Variants in YIPF4 observed in about 807,000 individuals in gnomAD.
The protein encoded by YIPF4 is protein YIPF4.
YIPF4 carries 18 observed loss-of-function variants against 29.4 expected under a neutral mutation model. That is an observed-to-expected ratio of 0.61 (90% CI 0.42 to 0.91). YIPF4 has a LOEUF of 0.91. Ranked by LOEUF, YIPF4 falls within the 40% of genes least tolerant of loss-of-function variation. The pLI is 0.00. For synonymous variants in YIPF4, 115 were observed against 104.7 expected, an observed-to-expected ratio of 1.10 and a Z score of -0.60; for missense variants, 279 against 282.7, an observed-to-expected ratio of 0.99 and a Z score of 0.09.
In YIPF4 at chr2:32,314,596, C is replaced by T. The variant is rs1573550462; in HGVS notation, c.*8970C>T. On this transcript the variant is annotated 3_prime_UTR_variant, in exon 6 of 6. Transcript: ENST00000238831. ...GCTGAGACAGGAGAATCGCTTGAAC[C>T]TGGGAGGTGGAGAGTGTGGTGAGCT... 1 of 152,236 alleles carries T rather than the reference C, an allele frequency of 6.6e-6. No homozygotes were observed. The highest frequency in any genetic ancestry group is 1.9e-4 in the East Asian group (1 of 5,178). 9.4% of individuals were successfully genotyped at this position (152,236 alleles called of 1,614,324 possible).
Position 32,278,231 on chromosome 2 carries a change from G to A in YIPF4, c.76G>A (p.Glu26Lys). The change falls in exon 1 of 6, where the codon GAA (glutamate) becomes AAA (lysine). Residue 26 changes from glutamate to lysine, a missense_variant. By Grantham distance (56) the Glu-to-Lys change is moderately conservative. Transcript: ENST00000238831. The part of the protein sequence containing the change: ...DFTFVSSADA[E>K]DLSGSIASPD... ...CACCTTTGTCTCCTCAGCAGACGCG[G>A]AAGGTGAGGCTGAGCCCCTGGAAGG... The A allele has an allele frequency of 6.4e-7, 1 of 1,562,448 alleles. No individual in the cohort carries two copies. The highest frequency in any genetic ancestry group is 8.7e-7 in the Non-Finnish European group (1 of 1,153,812).
At position 32,305,656 on chromosome 2, in the gene YIPF4, GTGTTAAATT is replaced by G. The variant is rs1280400444; in HGVS notation, c.*34_*42del. On this transcript the variant is annotated 3_prime_UTR_variant, in exon 6 of 6. Transcript: ENST00000238831. ...AGTTATACATGAATAGAAAAAGATG[GTGTTAAATT>G]TGTGTGTAGGCTGGGAATTCTTGCT... 2 of 1,491,022 alleles carry G rather than the reference GTGTTAAATT, an allele frequency of 1.3e-6. No individual in the cohort carries two copies. The highest frequency in any genetic ancestry group is 1.8e-6 in the Non-Finnish European group (2 of 1,120,350). The allele number at this position is 1,491,022 out of a possible 1,614,324, so 92.4% of individuals were successfully genotyped here.
chr2:32,280,194 C>G (rs2030332587), intron 1 of YIPF4, among the ~76,000 whole-genome samples: 1 of 151,684 alleles, frequency 6.6e-6, no homozygotes, highest in Non-Finnish European at 1.5e-5. Flanking sequence ...GTGGTGCAGT[C>G]TTGGCTCACT....
chr2:32,278,783 G>T (rs1173068409), intron 1 of YIPF4, among the ~76,000 whole-genome samples: 1 of 152,090 alleles, frequency 6.6e-6, no homozygotes, highest in African/African-American at 2.4e-5. Flanking sequence ...AGTATTCAGA[G>T]AAATTGACGC....
chr2:32,283,607 C>T (rs114118843), intron 1 of YIPF4, among the ~76,000 whole-genome samples: 2,480 of 152,174 alleles, frequency 0.016, 50 homozygotes, highest in African/African-American at 0.057. Flanking sequence ...CCCTCAGAAA[C>T]GGAAACTTCC....
At chr2:32,298,981 G>A (rs2031297713) in intron 4 of YIPF4, among the ~76,000 whole-genome samples, 1 of 151,856 alleles carries the variant, frequency 6.6e-6, no homozygotes, top group Non-Finnish European at 1.5e-5. Flanking sequence ...GGGTTCAAGC[G>A]ATTCTCCTGC....
At position 32,285,303 on chromosome 2, in the gene YIPF4, T is replaced by G. The variant is rs1276984470; in HGVS notation, c.80-5180T>G. On this transcript the variant is annotated intron_variant, in intron 1 of 5. Coordinates refer to ENST00000238831, the MANE Select transcript of YIPF4 (RefSeq NM_032312.4). Reference sequence around the variant, plus strand: ...GAAAAAAATGGAGGAAGACCTGAGATATATCAGTTTTGGAATATTGAATTT... The same window carrying G: ...GAAAAAAATGGAGGAAGACCTGAGAGATATCAGTTTTGGAATATTGAATTT... Among the ~76,000 whole-genome samples, 3 of 152,118 alleles carry G rather than the reference T, an allele frequency of 2.0e-5. No homozygotes were observed. In the East Asian group the frequency reaches 5.8e-4, roughly 29 times the overall value.
chr2:32,294,885 C>T lies in YIPF4; in HGVS notation c.405+2537C>T, dbSNP rs556162423. 2.1e-3 allele frequency among the ~76,000 whole-genome samples: 320 copies of T among 152,330 alleles called. 1 individual carries two copies. The highest frequency in any genetic ancestry group is 6.9e-3 in the African/African-American group (288 of 41,582). ...CTGGAGACCAGCCCGGCCAACACAG[C>T]GAAACCCCGTCTCCACCAAAAAAAT... On this transcript the variant is annotated intron_variant, in intron 3 of 5. Transcript: ENST00000238831.
In YIPF4 at chr2:32,306,166, A is replaced by T. The variant is rs1228539607; in HGVS notation, c.*540A>T. ...TTTAATTTGGCCATTAATCTTTTTT[A>T]TTTAAAAATTTAAATTTGTTTTTAA... On this transcript the variant is annotated 3_prime_UTR_variant, in exon 6 of 6. Coordinates refer to ENST00000238831, the MANE Select transcript of YIPF4 (RefSeq NM_032312.4). The T allele has an allele frequency of 2.4e-6, 2 of 822,666 alleles. No homozygotes were observed. The highest frequency in any genetic ancestry group is 2.5e-4 in the East Asian group (2 of 8,040). The allele number at this position is 822,666 out of a possible 1,614,324, so 51.0% of individuals were successfully genotyped here. A position where few individuals can be genotyped will look rare whatever the true frequency, so the allele number is the denominator to read the frequency against.
intron 1 of YIPF4, among the ~76,000 whole-genome samples, chr2:32,284,436 G>GGGGGTGGACTTCCCTCTTGCTGTTC (rs2030565442): frequency 6.6e-6 from 1 of 152,240 alleles, no homozygotes; most frequent in East Asian, 1.9e-4. Context: ...ACTGGATCAT[G>GGGGGTGGACTTCCCTCTTGCTGTTC]GGGGTGGACT....
intron 1 of YIPF4, among the ~76,000 whole-genome samples, chr2:32,288,185 ATTG>A (rs1190346035): frequency 6.6e-6 from 1 of 152,088 alleles, no homozygotes; most frequent in Admixed American, 6.6e-5. Flanking sequence ...TCAAACTGCT[ATTG>A]TTGGCATTCC....
chr2:32,293,658 T>C (rs1323986567), intron 3 of YIPF4, among the ~76,000 whole-genome samples: 2 of 151,462 alleles, frequency 1.3e-5, no homozygotes, highest in Admixed American at 1.3e-4. Flanking sequence ...CACTTCCCAG[T>C]AGGGGAGGCC....
intron 1 of YIPF4, among the ~76,000 whole-genome samples, chr2:32,289,242 C>A (rs965049824): frequency 1.3e-5 from 2 of 152,022 alleles, no homozygotes; most frequent in Non-Finnish European, 2.9e-5. Flanking sequence ...AACTAGGGCC[C>A]GGAAAACATG....
rs137929438 is a variant in YIPF4, at chr2:32,310,998, C to G, written c.*5372C>G. 6.6e-6 allele frequency: 1 copy of G among 152,162 alleles called. No individual in the cohort carries two copies. The allele number at this position is 152,162 out of a possible 1,614,324, so 9.4% of individuals were successfully genotyped here. On this transcript the variant is annotated 3_prime_UTR_variant, in exon 6 of 6. Transcript: ENST00000238831. ...GTGTGTTTGAGAATCTCTTGACACT[C>G]TTCAAGTAAATCCCTAAATTACAAC...
intron 3 of YIPF4, among the ~76,000 whole-genome samples, chr2:32,294,333 G>T (rs551703033): frequency 6.6e-6 from 1 of 150,666 alleles, no homozygotes; most frequent in South Asian, 2.1e-4. Flanking sequence ...GGGCGGACGG[G>T]CTCCTCACTT....
intron 3 of YIPF4, among the ~76,000 whole-genome samples, chr2:32,294,574 C>T (rs1419699149): frequency 2.0e-5 from 3 of 151,394 alleles, no homozygotes; most frequent in African/African-American, 7.3e-5. Flanking sequence ...ACGCTCCTCA[C>T]TTTCCAGACT....
At position 32,309,493 on chromosome 2, in the gene YIPF4, T is replaced by C. The variant is rs1231018774; in HGVS notation, c.*3867T>C. The C allele has an allele frequency of 1.3e-5, 2 of 152,202 alleles. No individual in the cohort carries two copies. The highest frequency in any genetic ancestry group is 2.4e-5 in the African/African-American group (1 of 41,454). 9.4% of individuals were successfully genotyped at this position (152,202 alleles called of 1,614,324 possible). On this transcript the variant is annotated 3_prime_UTR_variant, in exon 6 of 6. Transcript: ENST00000238831. ...TTGAATTAAAATGTGAAGTAAATAT[T>C]TTTGTTTAAATATTGTTTAAAATTT...
At chr2:32,283,988 G>A (rs1395708323) in intron 1 of YIPF4, among the ~76,000 whole-genome samples, 2 of 152,044 alleles carry the variant, frequency 1.3e-5, no homozygotes, top group African/African-American at 4.8e-5. Flanking sequence ...CCAAAGTGCT[G>A]GGATTGATTA....
intron 3 of YIPF4, among the ~76,000 whole-genome samples, chr2:32,295,447 C>G (rs2031140719): frequency 6.6e-6 from 1 of 152,152 alleles, no homozygotes; most frequent in Non-Finnish European, 1.5e-5. Flanking sequence ...AAAATGTCTA[C>G]AGGGCTGGTT....
Sources: gnomAD v4.1 joint callset for allele counts (sites outside exome capture counted in the v4.1 genomes callset) on GRCh38, gnomAD v4.1.1 for gene constraint, MANE v1.5 for transcripts, NCBI Gene and HGNC (gene_info 2026-07-23, HGNC 2026-07-21) for gene names.